Variants in UGT2A1 observed in about 807,000 individuals in gnomAD.
UGT2A1 encodes the protein UDP-glucuronosyltransferase 2A1.
Under a neutral mutation model 45.4 loss-of-function variants are expected in UGT2A1, and 61 were observed. That is an observed-to-expected ratio of 1.34 (90% CI 1.09 to 1.66). The LOEUF is 1.66. Among genes scored for constraint, UGT2A1 ranks in the 40% most tolerant of loss-of-function variants. UGT2A1 has a pLI of 0.00. For missense variants in UGT2A1, 649 were observed against 574.3 expected, an observed-to-expected ratio of 1.13 and a Z score of -1.33; for synonymous variants, 229 against 196.2, an observed-to-expected ratio of 1.17 and a Z score of -1.40.
At chr4:69,622,489 C>T (rs1395139358) in intron 3 of UGT2A1, among the ~76,000 whole-genome samples, 1 of 151,636 alleles carries the variant, frequency 6.6e-6, no homozygotes, top group Non-Finnish European at 1.5e-5. Flanking sequence ...TACAAACTCA[C>T]TAAATAAATA....
intron 6 of UGT2A1, among the ~76,000 whole-genome samples, chr4:69,591,698 A>C (rs1178722629): frequency 1.3e-5 from 2 of 152,156 alleles, no homozygotes; most frequent in Non-Finnish European, 2.9e-5. Context: ...GTTGGGTGAG[A>C]AGCTTAGAAT....
chr4:69,609,066 T>C (rs1398298778), intron 3 of UGT2A1, among the ~76,000 whole-genome samples: 1 of 151,996 alleles, frequency 6.6e-6, no homozygotes, highest in African/African-American at 2.4e-5. Flanking sequence ...CATTATCTGA[T>C]ATTAAAAGAT....
At chr4:69,621,260 T>C (rs1270431139) in intron 3 of UGT2A1, among the ~76,000 whole-genome samples, 1 of 151,880 alleles carries the variant, frequency 6.6e-6, no homozygotes, top group African/African-American at 2.4e-5. Context: ...CTGACAAAGA[T>C]CTAATATCCA....
chr4:69,609,955 T>C (rs993649769), intron 3 of UGT2A1, among the ~76,000 whole-genome samples: 5 of 152,184 alleles, frequency 3.3e-5, no homozygotes, highest in African/African-American at 1.2e-4. Context: ...CATATGTGTT[T>C]GTATACATTT....
chr4:69,596,954 T>G lies in UGT2A1; in HGVS notation c.997-1705A>C, dbSNP rs544868633. Reference sequence around the variant, plus strand: ...ACTAAATAAGGGACAACTCTTCTCATGCTAACTGAAATTGTTACCCCCAAG... The same window carrying G: ...ACTAAATAAGGGACAACTCTTCTCAGGCTAACTGAAATTGTTACCCCCAAG... On this transcript the variant is annotated intron_variant, in intron 4 of 6. Transcript: ENST00000286604. Among the ~76,000 whole-genome samples the G allele has an allele frequency of 4.6e-5, 7 of 152,348 alleles. No homozygotes were observed. The East Asian group carries it at 7.7e-4, about 17-fold the overall frequency.
chr4:69,637,433 G>T (rs1721773434), intron 2 of UGT2A1, among the ~76,000 whole-genome samples: 1 of 152,106 alleles, frequency 6.6e-6, no homozygotes, highest in South Asian at 2.1e-4. Flanking sequence ...GTAAGAGTAA[G>T]ATCAAGTTAG....
At position 69,634,168 on chromosome 4, in the gene UGT2A1, C is replaced by G. The variant is rs575664627; in HGVS notation, c.847+1523G>C. Among the ~76,000 whole-genome samples, 7 of 152,132 alleles carry G rather than the reference C, an allele frequency of 4.6e-5. No homozygotes were observed. In the East Asian group the frequency reaches 1.4e-3, roughly 30 times the overall value. On this transcript the variant is annotated intron_variant, in intron 3 of 6. Transcript: ENST00000286604. ...GCTGAGGCAGGAGAATGGCGTGAAC[C>G]CGGGAGGCGGAGCTTGCAGTGAGCC...
In UGT2A1 at chr4:69,602,106, A is replaced by G. The variant is rs1235481140; in HGVS notation, c.848-2712T>C. 1.5e-5 allele frequency among the ~76,000 whole-genome samples: 2 copies of G among 137,156 alleles called. 1 individual carries two copies. The highest frequency in any genetic ancestry group is 3.1e-5 in the Non-Finnish European group (2 of 64,298). The allele number at this position is 137,156 out of a possible 152,430, so 90.0% of individuals were successfully genotyped here. ...TAGTAATATTTTAACAAAAGATATG[A>G]AAAAGTTGGACTCATTATAGTAATG... On this transcript the variant is annotated intron_variant, in intron 3 of 6. Coordinates refer to ENST00000286604, the MANE Select transcript of UGT2A1 (RefSeq NM_001252275.3).
At chr4:69,605,324 G>A (rs1719544026) in intron 3 of UGT2A1, among the ~76,000 whole-genome samples, 1 of 136,768 alleles carries the variant, frequency 7.3e-6, no homozygotes, top group Admixed American at 7.2e-5. Flanking sequence ...AATGACTACT[G>A]GGTACATAAC....
chr4:69,613,987 C>T (rs1295588447), intron 3 of UGT2A1, among the ~76,000 whole-genome samples: 4 of 151,844 alleles, frequency 2.6e-5, no homozygotes, highest in Non-Finnish European at 5.9e-5. Context: ...AGCAATTAGA[C>T]GAGTGAAAGA....
At chr4:69,635,268 T>A (rs6842466) in intron 3 of UGT2A1, among the ~76,000 whole-genome samples, 41,603 of 151,988 alleles carry the variant, frequency 0.27, 6,257 homozygotes, top group African/African-American at 0.38. Context: ...AAACTAAATT[T>A]TACCAGCCAA....
intron 4 of UGT2A1, chr4:69,596,513 T>G (rs1718942605): frequency 8.0e-7 from 1 of 1,251,740 alleles, no homozygotes; most frequent in Non-Finnish European, 1.0e-6. Context: ...TTCTGACATG[T>G]AGAAAGATCT....
intron 2 of UGT2A1, chr4:69,638,786 A>T (rs928670768): frequency 1.5e-6 from 2 of 1,302,226 alleles, no homozygotes; most frequent in African/African-American, 3.0e-5. Context: ...GAGATATAAG[A>T]AGTCCATTAT....
At chr4:69,607,394 C>T (rs1472149307) in intron 3 of UGT2A1, among the ~76,000 whole-genome samples, 1 of 151,786 alleles carries the variant, frequency 6.6e-6, no homozygotes, top group Non-Finnish European at 1.5e-5. Flanking sequence ...GGATCCCTTC[C>T]TTACACCTTA....
intron 3 of UGT2A1, among the ~76,000 whole-genome samples, chr4:69,602,362 A>G (rs1192066369): frequency 7.3e-6 from 1 of 137,634 alleles, no homozygotes; most frequent in Non-Finnish European, 1.6e-5. Context: ...ATCAAGACGA[A>G]AAAAAGTCAG....
At chr4:69,598,378 T>C (rs1037246074) in intron 4 of UGT2A1, among the ~76,000 whole-genome samples, 1 of 152,182 alleles carries the variant, frequency 6.6e-6, no homozygotes, top group African/African-American at 2.4e-5. Context: ...CTACCATGTG[T>C]ACCTGTACTC....
rs545584879 is a variant in UGT2A1, at chr4:69,599,293, C to T, written c.949G>A (p.Glu317Lys). 6.2e-7 allele frequency: 1 copy of T among 1,613,772 alleles called. No homozygotes were observed. Among genetic ancestry groups the T allele is most frequent in the Non-Finnish European group, 8.5e-7 (1 of 1,179,898 alleles). Residue 317 changes from glutamate to lysine, a missense_variant, in exon 4 of 7, where the codon GAG becomes AAG. Coordinates refer to ENST00000286604, the MANE Select transcript of UGT2A1 (RefSeq NM_001252275.3). Reference protein sequence around the residue: ...EFPRPYLPNFEFVGGLHCKPA... With the variant: ...EFPRPYLPNFKFVGGLHCKPA... The stretch of plus-strand genomic sequence containing the variant: ...TTGCAGTGCAATCCTCCAACAAACT[C>T]AAAATTAGGTAAGTATGGACGAGGA...
At chr4:69,607,390 C>G (rs1719703588) in intron 3 of UGT2A1, among the ~76,000 whole-genome samples, 1 of 151,826 alleles carries the variant, frequency 6.6e-6, no homozygotes, top group Non-Finnish European at 1.5e-5. Context: ...ACCTGGATCC[C>G]TTCCTTACAC....
chr4:69,624,503 A>C (rs192974891), intron 3 of UGT2A1, among the ~76,000 whole-genome samples: 1 of 151,092 alleles, frequency 6.6e-6, no homozygotes, highest in African/African-American at 2.4e-5. Context: ...TCATTTTGCT[A>C]CTTTTTTTAA....
Sources: allele counts gnomAD v4.1 joint callset (sites outside exome capture counted in the v4.1 genomes callset), GRCh38; gene constraint gnomAD v4.1.1; transcripts MANE v1.5; gene names NCBI Gene and HGNC (gene_info 2026-07-23, HGNC 2026-07-21).